The following CTSA variants were observed in gnomAD, a reference collection of about 807,000 sequenced individuals.
CTSA encodes the protein lysosomal protective protein.
In CTSA, 42 loss-of-function variants were observed where a neutral mutation model predicts 66.7. That is an observed-to-expected ratio of 0.63 (90% CI 0.49 to 0.81). The LOEUF (loss-of-function observed/expected upper bound fraction) is 0.81. Ranked by LOEUF, CTSA falls within the 40% of genes least tolerant of loss-of-function variation. The probability of loss-of-function intolerance (pLI) is 0.00; values close to 1 mark genes in which losing one functional copy is unlikely to be tolerated. For synonymous variants in CTSA, 225 were observed against 248.6 expected (o/e 0.91, Z 0.89); for missense variants, 525 against 610.9 (o/e 0.86, Z 1.48).
rs2083139366 is a variant in CTSA, at chr20:45,898,533, C to T, written c.*83C>T. On this transcript the variant is annotated 3_prime_UTR_variant, in exon 15 of 15. Coordinates refer to ENST00000646241, the MANE Select transcript of CTSA (RefSeq NM_000308.4). This position sits in a 1 kb window ranked among gnomAD's most constrained non-coding sequence, Gnocchi z 4.6. ...GAGAGTCCTCTTCTAAGCAAAGTGCCCCTGCAGGCCGGGTTCTGCCGCCAG... is the reference window on the plus strand; with the variant it reads ...GAGAGTCCTCTTCTAAGCAAAGTGCTCCTGCAGGCCGGGTTCTGCCGCCAG... The T allele has an allele frequency of 7.3e-6, 10 of 1,364,950 alleles. No individual in the cohort carries two copies. The highest frequency in any genetic ancestry group is 1.4e-5 in the African/African-American group (1 of 69,766). 84.6% of individuals were successfully genotyped at this position (1,364,950 alleles called of 1,614,324 possible).
At chr20:45,894,311 C>A in intron 8 of CTSA, 1 of 630,224 alleles carries the variant, frequency 1.6e-6, no homozygotes, top group South Asian at 1.9e-5. Context: ...CAAACACCTG[C>A]AACGTGGCAG....
chr20:45,892,045 G>A lies in CTSA; in HGVS notation c.306+18G>A. Reference sequence around the variant, plus strand: ...CCTTCCTGGTGAGTGGACAGCAGGGGGAAAGCACAGTTCCCAAAGTAAAAG... The same window carrying A: ...CCTTCCTGGTGAGTGGACAGCAGGGAGAAAGCACAGTTCCCAAAGTAAAAG... On this transcript the variant is annotated intron_variant, in intron 3 of 14. Transcript: ENST00000646241. 2 of 1,595,794 alleles carry A rather than the reference G, an allele frequency of 1.3e-6. No homozygotes were observed. Among genetic ancestry groups the A allele is most frequent in the East Asian group, 2.2e-5 (1 of 44,798 alleles).
At chr20:45,897,848 G>A in intron 13 of CTSA, 42 bp downstream of exon 13, 1 of 1,529,722 alleles carries the variant, frequency 6.5e-7, no homozygotes. Flanking sequence ...GGCTGCTGTG[G>A]AGGATTGGGA....
chr20:45,895,753 A>T (rs954083820), intron 11 of CTSA, among the ~76,000 whole-genome samples: 2 of 151,946 alleles, frequency 1.3e-5, no homozygotes, highest in Non-Finnish European at 2.9e-5. Flanking sequence ...GCTAATTTTT[A>T]AAAAATTTTT....
chr20:45,896,228 CCA>C (rs1187047724), intron 11 of CTSA, among the ~76,000 whole-genome samples: 2 of 148,526 alleles, frequency 1.3e-5, no homozygotes, highest in African/African-American at 2.6e-5. Flanking sequence ...ACTTCCATGT[CCA>C]GTCTCCTGTG....
At chr20:45,896,745 C>A in intron 11 of CTSA, 1 of 589,286 alleles carries the variant, frequency 1.7e-6, no homozygotes, top group Admixed American at 2.5e-5. Context: ...CATCCCTGTA[C>A]CTTTCTAAAT....
intron 8 of CTSA, 200 bp downstream of exon 8, chr20:45,894,272 G>A (rs529673308): frequency 5.0e-5 from 33 of 654,348 alleles, no homozygotes; most frequent in Non-Finnish European, 6.6e-5. Context: ...CATAACCTCC[G>A]TGAGGAGAAA....
In CTSA at chr20:45,892,897, G is replaced by A. The variant is rs1987045284; in HGVS notation, c.600+17G>A. On this transcript the variant is annotated intron_variant, in intron 6 of 14. Transcript: ENST00000646241. ...AACCTTCAGGTGCAGGGTAGCTGCA[G>A]GAGGGAAGGGAGGTAGCTTGAGGCT... 6.2e-7 allele frequency: 1 copy of A among 1,613,530 alleles called. No homozygotes were observed. Among genetic ancestry groups the A allele is most frequent in the Non-Finnish European group, 8.5e-7 (1 of 1,179,872 alleles).
chr20:45,894,782 A>G, intron 9 of CTSA, 41 bp downstream of exon 9: 1 of 1,602,166 alleles, frequency 6.2e-7, no homozygotes, highest in South Asian at 1.1e-5. Flanking sequence ...CCCCAGCCCC[A>G]TCTGGAGGCT....
intron 11 of CTSA, chr20:45,896,305 A>G (rs1294277393): frequency 6.5e-6 from 1 of 152,898 alleles, no homozygotes; most frequent in Non-Finnish European, 1.4e-5. Context: ...GCTCAGGTCC[A>G]TTTTGATTGG....
chr20:45,895,193 G>T, intron 11 of CTSA, 60 bp downstream of exon 11: 1 of 1,603,914 alleles, frequency 6.2e-7, no homozygotes, highest in Non-Finnish European at 8.5e-7. Context: ...TGTGGGCATC[G>T]GCAGGTTTCT....
chr20:45,891,858 G>A lies in CTSA; in HGVS notation c.195-58G>A. 2.5e-6 allele frequency: 4 copies of A among 1,607,200 alleles called. No individual in the cohort carries two copies. Among genetic ancestry groups the A allele is most frequent in the East Asian group, 4.5e-5 (2 of 44,832 alleles). On this transcript the variant is annotated intron_variant, in intron 2 of 14. Coordinates refer to ENST00000646241, the MANE Select transcript of CTSA (RefSeq NM_000308.4). This position sits in a 1 kb window ranked among gnomAD's most constrained non-coding sequence, Gnocchi z 4.6. Reference sequence around the variant, plus strand: ...AGACCCCTGAGGATGCCTGGGAGCCGGGAGGGCTGGAAAGGGCCCCTCCAA... The same window carrying A: ...AGACCCCTGAGGATGCCTGGGAGCCAGGAGGGCTGGAAAGGGCCCCTCCAA...
chr20:45,893,482 CTTTCTTTTTT>C, intron 7 of CTSA, 171 bp downstream of exon 7: 1 of 525,500 alleles, frequency 1.9e-6, no homozygotes, highest in Non-Finnish European at 3.3e-6. Flanking sequence ...GTTTTTCTTT[CTTTCTTTTTT>C]TTTTTTTTGA....
Position 45,894,999 on chromosome 20 carries a change from G to T in CTSA, c.954G>T (p.Leu318=). The change falls in exon 11 of 15, where the codon CTG becomes CTT. Residue 318 remains leucine (L), a synonymous_variant. Transcript: ENST00000646241. ...CCACTGTCTGTGCCTTCCAGGCACT[G>T]CTGCGCTCAGGGGATAAAGTGCGCA... ...LPLKRMWHQA[L]LRSGDKVRMD... is the part of the protein sequence containing the mutation. The T allele has an allele frequency of 6.2e-7, 1 of 1,614,192 alleles. No individual in the cohort carries two copies. The highest frequency in any genetic ancestry group is 8.5e-7 in the Non-Finnish European group (1 of 1,180,024).
chr20:45,894,978 T>C lies in CTSA; in HGVS notation c.949-16T>C, dbSNP rs764856694. ...CAGGGAAGCAGAGGCCCTGACCCAC[T>C]GTCTGTGCCTTCCAGGCACTGCTGC... is the stretch of plus-strand genomic sequence containing the variant. On this transcript the variant is annotated splice_polypyrimidine_tract_variant and intron_variant, in intron 10 of 14. Transcript: ENST00000646241. 21 of 1,614,152 alleles carry C rather than the reference T, an allele frequency of 1.3e-5. No individual in the cohort carries two copies. The highest frequency in any genetic ancestry group is 4.4e-5 in the South Asian group (4 of 91,084).
chr20:45,895,080 C>A lies in CTSA; in HGVS notation c.1035C>A (p.Tyr345Ter). ...CTTCCACCTACCTCAACAACCCGTA[C>A]GTGCGGAAGGCCCTCAACATCCCGG... ...TAASTYLNNP[Y>*]VRKALNIPEQ... The change falls in exon 11 of 15, where the codon TAC becomes TAA. Residue 345 changes from tyrosine to a stop codon, truncating the protein, a stop_gained. Transcript: ENST00000646241. LOFTEE classifies it high-confidence loss of function. The A allele has an allele frequency of 6.2e-7, 1 of 1,614,166 alleles. No individual in the cohort carries two copies. The highest frequency in any genetic ancestry group is 8.5e-7 in the Non-Finnish European group (1 of 1,180,038).
In CTSA at chr20:45,891,656, C is replaced by G. The variant is rs769444725; in HGVS notation, c.88C>G (p.Pro30Ala). Residue 30 changes from proline (P) to alanine (A), a missense_variant, in exon 2 of 15, where the codon CCC becomes GCC. Physicochemically the swap from Pro to Ala is conservative, Grantham distance 27. Transcript: ENST00000646241. This position sits in a 1 kb window ranked among gnomAD's most constrained non-coding sequence, Gnocchi z 4.6. ...VSWASRGEAA[P>A]DQDEIQRLPG... ...CTGGGCGTCCCGAGGCGAGGCAGCC[C>G]CCGACCAGGACGAGATCCAGCGCCT... The G allele has an allele frequency of 3.7e-6, 6 of 1,612,648 alleles. No homozygotes were observed. In the East Asian group the frequency reaches 1.1e-4, roughly 30 times the overall value.
At chr20:45,893,400 C>A in intron 7 of CTSA, 89 bp downstream of exon 7, 1 of 988,728 alleles carries the variant, frequency 1.0e-6, no homozygotes, top group Non-Finnish European at 1.6e-6. Flanking sequence ...ATGACAGGCC[C>A]AGCCCAGGTT....
intron 3 of CTSA, 53 bp from the exon 4 acceptor site, chr20:45,892,220 C>A: frequency 1.3e-6 from 2 of 1,591,348 alleles, no homozygotes; most frequent in Non-Finnish European, 1.7e-6. Flanking sequence ...GTGGCCCTTT[C>A]CCTCCACCCA....
Sources: gnomAD v4.1 joint callset for allele counts (sites outside exome capture counted in the v4.1 genomes callset) on GRCh38, gnomAD v4.1.1 for gene constraint, Gnocchi (gnomAD v3.1) non-coding constraint, MANE v1.5 for transcripts, NCBI Gene and HGNC (gene_info 2026-07-23, HGNC 2026-07-21) for gene names.